Variants in NALF1 observed in about 807,000 individuals in gnomAD.
NALF1 encodes the protein NALCN channel auxiliary factor 1.
In NALF1, 3 loss-of-function variants were observed where a neutral mutation model predicts 48.4. That is an observed-to-expected ratio of 0.06 (90% confidence interval 0.03 to 0.16). The LOEUF is 0.16. Among genes scored for constraint, NALF1 ranks in the 10% least tolerant of loss-of-function variants. The pLI, the probability that NALF1 is intolerant of heterozygous loss-of-function variation, is 1.00. For synonymous variants in NALF1, 262 were observed against 245.7 expected, an observed-to-expected ratio of 1.07 and a Z score of -0.62; for missense variants, 526 against 571.5, an observed-to-expected ratio of 0.92 and a Z score of 0.81.
chr13:107,833,622 G>T (rs1879806494), intron 1 of NALF1, among the ~76,000 whole-genome samples: 1 of 152,028 alleles, frequency 6.6e-6, no homozygotes, highest in Non-Finnish European at 1.5e-5. Context: ...TTACAAAGGT[G>T]TCAAAAACAA....
At chr13:107,339,781 T>G (rs1339896130) in intron 1 of NALF1, among the ~76,000 whole-genome samples, 1 of 152,228 alleles carries the variant, frequency 6.6e-6, no homozygotes, top group Non-Finnish European at 1.5e-5. Flanking sequence ...AATAAGCCAT[T>G]TACTTTCTCC....
chr13:107,755,578 CA>C (rs2138556492), intron 1 of NALF1, among the ~76,000 whole-genome samples: 1 of 150,458 alleles, frequency 6.6e-6, no homozygotes, highest in African/African-American at 2.4e-5. Flanking sequence ...TCTAGAGGCC[CA>C]GAAGGCAGGA....
chr13:107,540,259 C>A (rs908576972), intron 1 of NALF1, among the ~76,000 whole-genome samples: 1 of 151,870 alleles, frequency 6.6e-6, no homozygotes, highest in South Asian at 2.1e-4. Context: ...CTCTAGTCTA[C>A]TGAGAGGAAA....
At chr13:107,837,481 T>C (rs1879928572) in intron 1 of NALF1, among the ~76,000 whole-genome samples, 1 of 152,140 alleles carries the variant, frequency 6.6e-6, no homozygotes, top group Non-Finnish European at 1.5e-5. Context: ...CACTATCAGA[T>C]GAACTGCTAG....
chr13:107,249,188 A>C (rs1880643953), intron 1 of NALF1, among the ~76,000 whole-genome samples: 1 of 151,982 alleles, frequency 6.6e-6, no homozygotes, highest in African/African-American at 2.4e-5. Flanking sequence ...ATCAAAGCAA[A>C]ATTTATTCTT....
At chr13:107,450,191 G>T (rs1451147975) in intron 1 of NALF1, among the ~76,000 whole-genome samples, 1 of 152,144 alleles carries the variant, frequency 6.6e-6, no homozygotes, top group Non-Finnish European at 1.5e-5. Flanking sequence ...AAACACAGGG[G>T]AAGAGTGGCC....
At chr13:107,255,835 C>T (rs984430784) in intron 1 of NALF1, among the ~76,000 whole-genome samples, 2 of 152,096 alleles carry the variant, frequency 1.3e-5, no homozygotes, top group Non-Finnish European at 2.9e-5. Context: ...GAAGCCAACC[C>T]TTTAATTGCA....
chr13:107,777,404 C>A (rs1478636802), intron 1 of NALF1, among the ~76,000 whole-genome samples: 1 of 152,156 alleles, frequency 6.6e-6, no homozygotes, highest in African/African-American at 2.4e-5. Flanking sequence ...CCAAATCTCA[C>A]GTTGAATTGC....
chr13:107,177,144 ATATC>A (rs1384503830), intron 2 of NALF1, among the ~76,000 whole-genome samples: 1 of 152,162 alleles, frequency 6.6e-6, no homozygotes, highest in African/African-American at 2.4e-5. Context: ...ATAAAAGAAA[ATATC>A]TATGACTTAA....
At chr13:107,726,685 C>T (rs1876160614) in intron 1 of NALF1, among the ~76,000 whole-genome samples, 1 of 148,024 alleles carries the variant, frequency 6.8e-6, no homozygotes, top group Non-Finnish European at 1.5e-5. Context: ...TCTCTGTTCA[C>T]TGCAACCTCC....
intron 1 of NALF1, among the ~76,000 whole-genome samples, chr13:107,817,406 T>C (rs1751874456): frequency 6.6e-6 from 1 of 152,172 alleles, no homozygotes; most frequent in Admixed American, 6.5e-5. Flanking sequence ...ATGTAAGAAG[T>C]GTAAGCAAGT....
chr13:107,508,165 G>A (rs1196580512), intron 1 of NALF1, among the ~76,000 whole-genome samples: 1 of 152,070 alleles, frequency 6.6e-6, no homozygotes, highest in African/African-American at 2.4e-5. Context: ...GATGGTAAAT[G>A]TTAGAGGATA....
At chr13:107,274,414 A>C (rs973758030) in intron 1 of NALF1, among the ~76,000 whole-genome samples, 1 of 152,066 alleles carries the variant, frequency 6.6e-6, no homozygotes, top group African/African-American at 2.4e-5. Flanking sequence ...CTACCAAAAA[A>C]CATTTTTTAA....
In NALF1 at chr13:107,238,219, T is replaced by C. The variant is rs79138922; in HGVS notation, c.916-27464A>G. Among the ~76,000 whole-genome samples the C allele has an allele frequency of 2.1e-3, 313 of 152,172 alleles. 4 individuals carry two copies. Among genetic ancestry groups the C allele is most frequent in the African/African-American group, 6.8e-3 (284 of 41,538 alleles). On this transcript the variant is annotated intron_variant, in intron 1 of 2. Coordinates refer to ENST00000375915, the MANE Select transcript of NALF1 (RefSeq NM_001080396.3). ...AGCCAGCATGGTGCAGCACAACCCA[T>C]GGAGGGTGTGAAATCACTGCTCACC...
At chr13:107,578,476 T>C (rs1342139014) in intron 1 of NALF1, among the ~76,000 whole-genome samples, 5 of 152,194 alleles carry the variant, frequency 3.3e-5, no homozygotes, top group Non-Finnish European at 5.9e-5. Flanking sequence ...TTATACTTAC[T>C]TGAATGGAAC....
intron 1 of NALF1, among the ~76,000 whole-genome samples, chr13:107,404,358 G>A (rs1271345649): frequency 2.6e-5 from 4 of 151,974 alleles, no homozygotes; most frequent in East Asian, 1.9e-4. Flanking sequence ...ATAACTTCCC[G>A]GAATTAATGA....
chr13:107,277,153 G>A (rs1313906224), intron 1 of NALF1, among the ~76,000 whole-genome samples: 3 of 152,018 alleles, frequency 2.0e-5, no homozygotes, highest in Non-Finnish European at 4.4e-5. Context: ...GTATCTGCCC[G>A]GAAACTGCCA....
At chr13:107,578,355 T>C (rs906328333) in intron 1 of NALF1, among the ~76,000 whole-genome samples, 5 of 152,240 alleles carry the variant, frequency 3.3e-5, no homozygotes, top group Non-Finnish European at 7.3e-5. Context: ...TTTACTCATT[T>C]TGGACTAGTC....
chr13:107,236,645 G>T (rs1383487415), intron 1 of NALF1, among the ~76,000 whole-genome samples: 1 of 151,732 alleles, frequency 6.6e-6, no homozygotes, highest in Non-Finnish European at 1.5e-5. Context: ...GCTTAATTAT[G>T]GCACTATCTA....
Sources: gnomAD v4.1 joint callset for allele counts (sites outside exome capture counted in the v4.1 genomes callset) on GRCh38, gnomAD v4.1.1 for gene constraint, MANE v1.5 for transcripts, NCBI Gene and HGNC (gene_info 2026-07-23, HGNC 2026-07-21) for gene names.